PSPC1: variants seen among roughly 807,000 people sequenced by gnomAD.
PSPC1 encodes the protein paraspeckle component 1, also known as paraspeckle protein 1.
PSPC1 carries 14 observed loss-of-function variants against 51.6 expected under a neutral mutation model. That is an observed-to-expected ratio of 0.27 (90% CI 0.18 to 0.42). The LOEUF is 0.42. PSPC1 is among the 10% of genes least tolerant of loss of function. The pLI, the probability that PSPC1 is intolerant of heterozygous loss-of-function variation, is 1.00. For missense variants in PSPC1, 406 were observed against 701.1 expected, an observed-to-expected ratio of 0.58 and a Z score of 4.75; for synonymous variants, 193 against 231.9, an observed-to-expected ratio of 0.83 and a Z score of 1.53.
At chr13:19,770,212 C>A (rs1297046691) in intron 2 of PSPC1, among the ~76,000 whole-genome samples, 1 of 152,082 alleles carries the variant, frequency 6.6e-6, no homozygotes. Context: ...TATTAGAAAA[C>A]ACAAAACTTA....
chr13:19,671,960 C>G (rs1876155118), downstream of PSPC1: 3 of 1,404,414 alleles, frequency 2.1e-6, no homozygotes, highest in Admixed American at 5.2e-5. Context: ...TCTAGCACAT[C>G]TATGTAAAGT....
At position 19,775,479 on chromosome 13, in the gene PSPC1, G is replaced by T. The variant is rs146172711; in HGVS notation, c.373-2936C>A. ...ATGATTTAAAGTATACAGGAGGATT[G>T]CATGGGTAACATGGAAAAACAATGC... is the stretch of plus-strand genomic sequence containing the variant. On this transcript the variant is annotated intron_variant, in intron 1 of 8. Coordinates refer to ENST00000338910, the MANE Select transcript of PSPC1 (RefSeq NM_001354909.2). 5.4e-3 allele frequency among the ~76,000 whole-genome samples: 819 copies of T among 152,262 alleles called. 5 individuals are homozygous for T. The highest frequency in any genetic ancestry group is 0.017 in the Middle Eastern group (5 of 294).
At chr13:19,752,208 TTAC>T (rs1886626831) in intron 3 of PSPC1, among the ~76,000 whole-genome samples, 1 of 152,236 alleles carries the variant, frequency 6.6e-6, no homozygotes, top group African/African-American at 2.4e-5. Context: ...AAGGCCTAAC[TTAC>T]TACCATTGTA....
At chr13:19,758,185 C>A (rs564931212) in intron 3 of PSPC1, among the ~76,000 whole-genome samples, 3 of 151,792 alleles carry the variant, frequency 2.0e-5, no homozygotes, top group Admixed American at 6.6e-5. Context: ...TGGTGGTGGG[C>A]GCCTGTGGTC....
chr13:19,672,749 C>CT (rs1298633067), downstream of PSPC1: 2 of 171,714 alleles, frequency 1.2e-5, no homozygotes, highest in South Asian at 2.9e-4. Context: ...ACAAGAGAAT[C>CT]TAAGATGTAG....
At chr13:19,751,646 CTAA>C (rs1247911316) in intron 3 of PSPC1, among the ~76,000 whole-genome samples, 179 bp from the exon 4 acceptor site, 1 of 152,162 alleles carries the variant, frequency 6.6e-6, no homozygotes, top group Non-Finnish European at 1.5e-5. Context: ...GAATGTTCAA[CTAA>C]TAATGGAACA....
Position 19,730,383 on chromosome 13 carries a change from T to C in PSPC1, c.1053-39A>G, listed in dbSNP as rs778856709. ...AAATAAAAATTTCAGCATCATAACA[T>C]GTGGGCTGCCATTGGACATTTTACT... On this transcript the variant is annotated intron_variant, in intron 5 of 8. Coordinates refer to ENST00000338910, the MANE Select transcript of PSPC1 (RefSeq NM_001354909.2). 1.9e-6 allele frequency: 3 copies of C among 1,550,702 alleles called. No individual in the cohort carries two copies. The South Asian group carries it at 3.3e-5, about 17-fold the overall frequency.
At chr13:19,701,246 T>A, downstream of PSPC1, among the ~76,000 whole-genome samples, 1 of 151,450 alleles carries the variant, frequency 6.6e-6, no homozygotes, top group East Asian at 1.9e-4. Flanking sequence ...AGGATCAAGT[T>A]TCTCCCAATC....
intron 6 of PSPC1, among the ~76,000 whole-genome samples, chr13:19,680,521 GAAGTCCTAGAAAGCTAAGAC>G (rs1877156420): frequency 6.6e-6 from 1 of 151,890 alleles, no homozygotes; most frequent in African/African-American, 2.4e-5. Flanking sequence ...CAAAATATGC[GAAGTCCTAGAAAGCTAAGAC>G]AAAGACAGCA....
At chr13:19,740,528 A>C (rs962966950) in intron 5 of PSPC1, among the ~76,000 whole-genome samples, 3 of 152,174 alleles carry the variant, frequency 2.0e-5, no homozygotes, top group Non-Finnish European at 4.4e-5. Flanking sequence ...CTTCCCCATG[A>C]ACACCTTATT....
intron 6 of PSPC1, among the ~76,000 whole-genome samples, chr13:19,682,988 T>C (rs1389417500): frequency 2.0e-5 from 3 of 151,960 alleles, no homozygotes; most frequent in East Asian, 1.9e-4. Flanking sequence ...GGATGGTTTA[T>C]GCCCAGAAGC....
At chr13:19,781,864 T>G (rs1593805660) in intron 1 of PSPC1, among the ~76,000 whole-genome samples, 1 of 152,202 alleles carries the variant, frequency 6.6e-6, no homozygotes, top group East Asian at 1.9e-4. Context: ...GATGGGATGT[T>G]AATAATTGTT....
In PSPC1 at chr13:19,775,596, T is replaced by C. The variant is rs142437596; in HGVS notation, c.373-3053A>G. Reference sequence around the variant, plus strand: ...ATCCCCCACAGATACTGAGGGATAATTGCATTCTAAACAGTCGTTTTGTTT... The same window carrying C: ...ATCCCCCACAGATACTGAGGGATAACTGCATTCTAAACAGTCGTTTTGTTT... On this transcript the variant is annotated intron_variant, in intron 1 of 8. Transcript: ENST00000338910. Among the ~76,000 whole-genome samples the C allele has an allele frequency of 8.9e-4, 135 of 152,276 alleles. 3 individuals are homozygous for C. The East Asian group carries it at 0.022, about 25-fold the overall frequency.
chr13:19,755,654 T>C (rs1407838712), intron 3 of PSPC1, among the ~76,000 whole-genome samples: 2 of 151,772 alleles, frequency 1.3e-5, no homozygotes, highest in Admixed American at 1.3e-4. Flanking sequence ...CTCCCTGAAA[T>C]ACTCTCCTCC....
chr13:19,719,190 A>G (rs1376761627), intron 6 of PSPC1, among the ~76,000 whole-genome samples: 1 of 151,776 alleles, frequency 6.6e-6, no homozygotes, highest in East Asian at 1.9e-4. Context: ...TGATAGCAGG[A>G]GAAGCTGTAG....
At chr13:19,773,225 C>G (rs915436036) in intron 1 of PSPC1, among the ~76,000 whole-genome samples, 1 of 151,178 alleles carries the variant, frequency 6.6e-6, no homozygotes, top group Non-Finnish European at 1.5e-5. Flanking sequence ...GAATAATTCT[C>G]CATACCCTTT....
chr13:19,735,145 C>T (rs1884633155), intron 5 of PSPC1, among the ~76,000 whole-genome samples: 1 of 151,536 alleles, frequency 6.6e-6, no homozygotes, highest in African/African-American at 2.4e-5. Flanking sequence ...AACCACGTCT[C>T]GACTAAAAAT....
chr13:19,753,690 G>T (rs953846897), intron 3 of PSPC1, among the ~76,000 whole-genome samples: 1 of 152,150 alleles, frequency 6.6e-6, no homozygotes, highest in Non-Finnish European at 1.5e-5. Flanking sequence ...GTAGGGAGGT[G>T]AGGAGGGGTG....
chr13:19,759,158 C>T (rs1887374721), intron 3 of PSPC1, among the ~76,000 whole-genome samples, 165 bp downstream of exon 3: 2 of 150,878 alleles, frequency 1.3e-5, no homozygotes, highest in Admixed American at 6.6e-5. Flanking sequence ...TCAAAAAAAA[C>T]AAAAAGAAAG....
Sources: gnomAD v4.1 joint callset for allele counts (sites outside exome capture counted in the v4.1 genomes callset) on GRCh38, gnomAD v4.1.1 for gene constraint, MANE v1.5 for transcripts, NCBI Gene and HGNC (gene_info 2026-07-23, HGNC 2026-07-21) for gene names.